Variants in RAB38 observed in about 807,000 individuals in gnomAD.
The protein encoded by RAB38 is RAB38, member RAS oncogene family, also known as ras-related protein Rab-38.
Under a neutral mutation model 18.4 loss-of-function variants are expected in RAB38, and 15 were observed. The ratio of observed to expected loss-of-function variants is 0.82; its 90% CI spans 0.55 to 1.26. RAB38 has a LOEUF of 1.26. Among genes scored for constraint, RAB38 ranks in the 50% most tolerant of loss-of-function variants. The probability of loss-of-function intolerance (pLI) is 0.00; values close to 1 mark genes in which losing one functional copy is unlikely to be tolerated. For missense variants in RAB38, 294 were observed against 267.4 expected (o/e 1.10, Z -0.69); for synonymous variants, 101 against 104.4 (o/e 0.97, Z 0.20).
At chr11:88,146,367 A>G (rs1406488652) in intron 2 of RAB38, among the ~76,000 whole-genome samples, 1 of 152,222 alleles carries the variant, frequency 6.6e-6, no homozygotes, top group African/African-American at 2.4e-5. Flanking sequence ...CAGAAGTTTC[A>G]GCAATGTGAA....
the RAB38 span, chr11:88,098,567 A>G: frequency 6.6e-6 from 1 of 151,928 alleles, no homozygotes; most frequent in African/African-American, 2.4e-5. Flanking sequence ...CATTCCTACA[A>G]TGAGTGCTGG....
At position 88,145,136 on chromosome 11, in the gene RAB38, T is replaced by C. The variant is rs144134743; in HGVS notation, c.483+4539A>G. ...TATTATGCATCTGGCCCCACATACA[T>C]TATTTATCTCTCTTTTTTTTTTTGT... On this transcript the variant is annotated intron_variant, in intron 2 of 2. Coordinates refer to ENST00000243662, the MANE Select transcript of RAB38 (RefSeq NM_022337.3). 7.2e-4 allele frequency among the ~76,000 whole-genome samples: 110 copies of C among 152,038 alleles called. 3 individuals are homozygous for C. Among genetic ancestry groups the C allele is most frequent in the African/African-American group, 2.3e-3 (94 of 41,488 alleles).
the RAB38 span, among the ~76,000 whole-genome samples, chr11:87,839,379 A>G: frequency 2.6e-5 from 4 of 152,248 alleles, no homozygotes; most frequent in East Asian, 1.9e-4. Context: ...ATAGTGGTCT[A>G]CATGTGTCTG....
the RAB38 span, among the ~76,000 whole-genome samples, chr11:88,006,344 C>T: frequency 6.6e-6 from 1 of 151,124 alleles, no homozygotes; most frequent in African/African-American, 2.4e-5. Context: ...ATTAGCATAG[C>T]CATTATGAAA....
chr11:88,128,035 T>G (rs1942724748), intron 2 of RAB38, among the ~76,000 whole-genome samples: 1 of 152,226 alleles, frequency 6.6e-6, no homozygotes, highest in Non-Finnish European at 1.5e-5. Flanking sequence ...AAAAATGAGC[T>G]GATTCAAATT....
At chr11:87,820,948 G>A in the RAB38 span, among the ~76,000 whole-genome samples, 1 of 152,128 alleles carries the variant, frequency 6.6e-6, no homozygotes, top group Non-Finnish European at 1.5e-5. Flanking sequence ...AAACTAGTAT[G>A]AAGCAATGAG....
the RAB38 span, among the ~76,000 whole-genome samples, chr11:88,074,684 G>T: frequency 3.3e-5 from 5 of 152,120 alleles, no homozygotes. Flanking sequence ...ACAACGAAAT[G>T]GCAGTAACAA....
intron 2 of RAB38, among the ~76,000 whole-genome samples, chr11:88,125,300 C>G (rs931212560): frequency 6.6e-6 from 1 of 152,142 alleles, no homozygotes; most frequent in Admixed American, 6.6e-5. Context: ...AGATTCCAAC[C>G]GAACTAGACC....
the RAB38 span, among the ~76,000 whole-genome samples, chr11:87,920,310 TA>T: frequency 6.6e-6 from 1 of 151,982 alleles, no homozygotes; most frequent in Non-Finnish European, 1.5e-5. Flanking sequence ...CTGTTATTTT[TA>T]TGCATCCCAT....
chr11:87,977,835 TCA>T, the RAB38 span, among the ~76,000 whole-genome samples: 13 of 105,254 alleles, frequency 1.2e-4, no homozygotes, highest in East Asian at 2.9e-4. Context: ...TCCTATATAA[TCA>T]TGTATATTAA....
At chr11:87,964,123 C>A in the RAB38 span, among the ~76,000 whole-genome samples, 1 of 152,080 alleles carries the variant, frequency 6.6e-6, no homozygotes, top group Non-Finnish European at 1.5e-5. Flanking sequence ...TGCTGCATAT[C>A]AAACCTCCCC....
At chr11:88,037,457 T>C in the RAB38 span, among the ~76,000 whole-genome samples, 673 of 152,270 alleles carry the variant, frequency 4.4e-3, 2 homozygotes, top group African/African-American at 0.015. Flanking sequence ...TACAATAAAG[T>C]GTACCCATTC....
chr11:88,012,022 G>A, the RAB38 span, among the ~76,000 whole-genome samples: 2 of 152,294 alleles, frequency 1.3e-5, no homozygotes, highest in African/African-American at 2.4e-5. Context: ...CTCAAACAGT[G>A]TGACATTCAC....
chr11:87,867,074 G>T, the RAB38 span, among the ~76,000 whole-genome samples: 1 of 151,772 alleles, frequency 6.6e-6, no homozygotes, highest in Non-Finnish European at 1.5e-5. Context: ...GAGCCAACCT[G>T]TTCTTGCTCT....
the RAB38 span, among the ~76,000 whole-genome samples, chr11:88,088,867 T>G: frequency 5.3e-5 from 8 of 151,634 alleles, no homozygotes; most frequent in Admixed American, 4.6e-4. Context: ...AAAATATGTC[T>G]CTCATAGACG....
At chr11:87,898,966 C>T in the RAB38 span, among the ~76,000 whole-genome samples, 10,025 of 151,724 alleles carry the variant, frequency 0.066, 387 homozygotes, top group South Asian at 0.11. Context: ...CAGCCTGTTT[C>T]TTAATGCAAA....
chr11:87,895,589 A>ATAGT, the RAB38 span, among the ~76,000 whole-genome samples: 1 of 151,724 alleles, frequency 6.6e-6, no homozygotes, highest in East Asian at 2.0e-4. Flanking sequence ...AGGCAAATTT[A>ATAGT]TAGTTAATTA....
the RAB38 span, among the ~76,000 whole-genome samples, chr11:87,811,857 T>C: frequency 1.3e-5 from 2 of 152,234 alleles, no homozygotes; most frequent in South Asian, 4.1e-4. Flanking sequence ...TGATCTTTTA[T>C]GGTTGAAAAG....
chr11:88,122,548 C>T (rs1304591976), intron 2 of RAB38, among the ~76,000 whole-genome samples: 2 of 152,164 alleles, frequency 1.3e-5, no homozygotes, highest in Admixed American at 6.6e-5. Flanking sequence ...TTATTGAACA[C>T]TTTATTATTG....
Sources: allele counts gnomAD v4.1 joint callset (sites outside exome capture counted in the v4.1 genomes callset), GRCh38; gene constraint gnomAD v4.1.1; transcripts MANE v1.5; gene names NCBI Gene and HGNC (gene_info 2026-07-23, HGNC 2026-07-21).